Variants in NBEA observed in about 807,000 individuals in gnomAD.
NBEA encodes the protein neurobeachin.
Under a neutral mutation model 343.4 loss-of-function variants are expected in NBEA, and 44 were observed. The observed-to-expected ratio is 0.13, with a 90% CI of 0.10 to 0.16. NBEA has a LOEUF of 0.16. Ranked by LOEUF, NBEA falls within the 10% of genes least tolerant of loss-of-function variation. The pLI, the probability that NBEA is intolerant of heterozygous loss-of-function variation, is 1.00. For synonymous variants in NBEA, 1,175 were observed against 1,238.7 expected, an observed-to-expected ratio of 0.95 and a Z score of 1.08; for missense variants, 2,555 against 3,631.3, an observed-to-expected ratio of 0.70 and a Z score of 7.62.
intron 41 of NBEA, chr13:35,476,301 T>TGCTGCTGCC: frequency 2.4e-6 from 1 of 420,690 alleles, no homozygotes; most frequent in Non-Finnish European, 3.1e-6. Context: ...GTTTCCCTGC[T>TGCTGCTGCC]GCTGCTGCTG....
At chr13:35,219,801 T>G (rs940695131) in intron 33 of NBEA, among the ~76,000 whole-genome samples, 2 of 152,096 alleles carry the variant, frequency 1.3e-5, no homozygotes, top group Non-Finnish European at 2.9e-5. Flanking sequence ...TACTCCTAGC[T>G]CAAACATTCA....
chr13:35,171,585 GATT>G, intron 26 of NBEA, 133 bp downstream of exon 26: 1 of 753,338 alleles, frequency 1.3e-6, no homozygotes, highest in Non-Finnish European at 1.9e-6. Flanking sequence ...GAGATACAGA[GATT>G]ATTTTTATAA....
At chr13:35,420,023 A>C (rs1259692230) in intron 38 of NBEA, among the ~76,000 whole-genome samples, 1 of 152,022 alleles carries the variant, frequency 6.6e-6, no homozygotes, top group East Asian at 1.9e-4. Context: ...AGTGTTTGAC[A>C]GATTTTGCAT....
chr13:35,056,381 T>G (rs1593608774), intron 7 of NBEA, among the ~76,000 whole-genome samples: 1 of 152,132 alleles, frequency 6.6e-6, no homozygotes, highest in African/African-American at 2.4e-5. Context: ...AATCCTGTAT[T>G]CTGTTTTTTT....
intron 5 of NBEA, among the ~76,000 whole-genome samples, chr13:35,049,237 C>G (rs1179691829): frequency 1.3e-5 from 2 of 151,832 alleles, no homozygotes; most frequent in Non-Finnish European, 1.5e-5. Flanking sequence ...GTACAGCATA[C>G]TTAACAATAA....
intron 45 of NBEA, among the ~76,000 whole-genome samples, chr13:35,568,695 G>A (rs2153027238): frequency 6.6e-6 from 1 of 152,236 alleles, no homozygotes; most frequent in Middle Eastern, 3.4e-3. Flanking sequence ...TCTGGATTTT[G>A]AAATATCAAT....
intron 47 of NBEA, among the ~76,000 whole-genome samples, chr13:35,602,904 C>T (rs372859521): frequency 1.3e-5 from 2 of 152,150 alleles, no homozygotes; most frequent in Admixed American, 6.6e-5. Flanking sequence ...TAGTGCCCTT[C>T]TTTCTAGAGT....
intron 1 of NBEA, among the ~76,000 whole-genome samples, chr13:35,024,113 T>C (rs917688428): frequency 6.6e-6 from 1 of 152,162 alleles, no homozygotes; most frequent in Non-Finnish European, 1.5e-5. Flanking sequence ...TGTGTTCATG[T>C]GATAATTTGC....
intron 37 of NBEA, among the ~76,000 whole-genome samples, chr13:35,350,221 A>G (rs118190881): frequency 1.3e-5 from 2 of 152,254 alleles, no homozygotes; most frequent in Middle Eastern, 3.4e-3. Flanking sequence ...TCATGTGAAA[A>G]CATTTAAAAT....
intron 38 of NBEA, among the ~76,000 whole-genome samples, chr13:35,360,485 A>T (rs562427837): frequency 4.6e-5 from 7 of 152,060 alleles, no homozygotes; most frequent in Admixed American, 1.3e-4. Flanking sequence ...TACTCAATAT[A>T]CAAAGGAAAA....
chr13:35,576,657 C>A (rs995443117), intron 45 of NBEA, among the ~76,000 whole-genome samples: 1 of 152,030 alleles, frequency 6.6e-6, no homozygotes, highest in African/African-American at 2.4e-5. Flanking sequence ...TGCCCAGAGA[C>A]AACTGTTGAT....
chr13:35,661,548 C>T (rs1464394284), intron 55 of NBEA, among the ~76,000 whole-genome samples: 1 of 152,134 alleles, frequency 6.6e-6, no homozygotes, highest in Non-Finnish European at 1.5e-5. Flanking sequence ...CTTGCATTAT[C>T]TTGGGACCTT....
At chr13:35,104,083 C>T (rs1264000768) in intron 11 of NBEA, among the ~76,000 whole-genome samples, 27 of 151,852 alleles carry the variant, frequency 1.8e-4, no homozygotes. Context: ...AGGCAAAGGT[C>T]TTTTTGCCTT....
intron 41 of NBEA, among the ~76,000 whole-genome samples, chr13:35,479,853 A>G (rs1354374531): frequency 1.3e-5 from 2 of 152,140 alleles, no homozygotes; most frequent in East Asian, 1.9e-4. Context: ...GTAGGCATGC[A>G]GACATCTTTG....
intron 34 of NBEA, among the ~76,000 whole-genome samples, chr13:35,257,463 A>T (rs968469500): frequency 5.3e-5 from 8 of 152,198 alleles, no homozygotes; most frequent in Admixed American, 2.0e-4. Context: ...ATTTGCATTA[A>T]TTAAGAGCAG....
intron 44 of NBEA, among the ~76,000 whole-genome samples, chr13:35,558,666 C>T (rs1228890169): frequency 1.3e-5 from 2 of 152,218 alleles, no homozygotes; most frequent in Non-Finnish European, 2.9e-5. Flanking sequence ...TCAGACTCCT[C>T]CTCAAGCCTA....
chr13:35,224,594 A>G (rs1019361807), intron 33 of NBEA, among the ~76,000 whole-genome samples: 2 of 151,856 alleles, frequency 1.3e-5, no homozygotes, highest in Non-Finnish European at 1.5e-5. Flanking sequence ...TTTTATTTCT[A>G]CCATTGTTTC....
At chr13:35,122,363 A>G (rs562005072) in intron 16 of NBEA, among the ~76,000 whole-genome samples, 2 of 152,222 alleles carry the variant, frequency 1.3e-5, no homozygotes, top group Non-Finnish European at 2.9e-5. Context: ...AATGTGGCAC[A>G]TATACACCAT....
chr13:35,187,136 G>A (rs777534500), intron 30 of NBEA, among the ~76,000 whole-genome samples: 33 of 151,664 alleles, frequency 2.2e-4, no homozygotes, highest in Non-Finnish European at 3.1e-4. Flanking sequence ...ATGTGTCAGC[G>A]AATGATGGAT....
Sources: allele counts gnomAD v4.1 joint callset (sites outside exome capture counted in the v4.1 genomes callset), GRCh38; gene constraint gnomAD v4.1.1; transcripts MANE v1.5; gene names NCBI Gene and HGNC (gene_info 2026-07-23, HGNC 2026-07-21).